Variants in FAM107B observed in about 807,000 individuals in gnomAD.
The protein encoded by FAM107B is protein FAM107B.
In FAM107B, 21 loss-of-function variants were observed where a neutral mutation model predicts 31.5. The ratio of observed to expected loss-of-function variants is 0.67; its 90% CI spans 0.47 to 0.96. The LOEUF (loss-of-function observed/expected upper bound fraction) is 0.96. Ranked by LOEUF, FAM107B falls within the 40% of genes least tolerant of loss-of-function variation. FAM107B has a pLI of 0.00. For synonymous variants in FAM107B, 157 were observed against 141.5 expected (o/e 1.11, Z -0.78); for missense variants, 452 against 377.1 (o/e 1.20, Z -1.64).
chr10:14,549,639 T>G (rs977045561), intron 2 of FAM107B, among the ~76,000 whole-genome samples: 5 of 152,086 alleles, frequency 3.3e-5, no homozygotes, highest in African/African-American at 1.2e-4. Context: ...AGCCTTGCCA[T>G]TTTCCCACAG....
intron 2 of FAM107B, among the ~76,000 whole-genome samples, chr10:14,583,602 A>G (rs577883204): frequency 6.6e-6 from 1 of 152,096 alleles, no homozygotes; most frequent in Non-Finnish European, 1.5e-5. Flanking sequence ...GGCCAGACAC[A>G]TCACCCCACC....
intron 1 of FAM107B, among the ~76,000 whole-genome samples, chr10:14,736,352 A>G (rs1856299076): frequency 6.6e-6 from 1 of 152,194 alleles, no homozygotes; most frequent in African/African-American, 2.4e-5. Context: ...AAGTTAAAAG[A>G]CACAATATGT....
intron 1 of FAM107B, among the ~76,000 whole-genome samples, chr10:14,722,912 C>T (rs1489176870): frequency 6.6e-6 from 1 of 152,096 alleles, no homozygotes; most frequent in African/African-American, 2.4e-5. Context: ...TGAAGACTTA[C>T]TCCTATGTTT....
intron 1 of FAM107B, among the ~76,000 whole-genome samples, chr10:14,715,052 A>C (rs1220784125): frequency 6.6e-6 from 1 of 152,138 alleles, no homozygotes; most frequent in Admixed American, 6.5e-5. Context: ...AGGCCACACA[A>C]AGTCTCCAAC....
intron 2 of FAM107B, among the ~76,000 whole-genome samples, chr10:14,629,248 C>CATAAATATAAATTATAATTTATATATATT: frequency 8.8e-6 from 1 of 114,092 alleles, no homozygotes; most frequent in African/African-American, 3.3e-5. Flanking sequence ...ATATAAATTA[C>CATAAATATAAATTATAATTTATATATATT]ATAAATATAA....
chr10:14,581,962 G>A (rs774800570), intron 2 of FAM107B, among the ~76,000 whole-genome samples: 48 of 152,150 alleles, frequency 3.2e-4, no homozygotes, highest in Non-Finnish European at 6.2e-4. Context: ...TAAGGAGACA[G>A]CTGTACAGAA....
chr10:14,743,237 C>T (rs1478200683), intron 1 of FAM107B, among the ~76,000 whole-genome samples: 1 of 151,948 alleles, frequency 6.6e-6, no homozygotes, highest in Non-Finnish European at 1.5e-5. Context: ...ATTTAAGTTC[C>T]TTGTAGATTC....
intron 1 of FAM107B, among the ~76,000 whole-genome samples, chr10:14,720,441 A>G (rs2131548634): frequency 6.6e-6 from 1 of 152,238 alleles, no homozygotes; most frequent in East Asian, 1.9e-4. Context: ...TTTAGTAGAG[A>G]CAGGGTTTTA....
chr10:14,717,015 G>A (rs916322366), intron 1 of FAM107B, among the ~76,000 whole-genome samples: 3 of 152,124 alleles, frequency 2.0e-5, no homozygotes, highest in Non-Finnish European at 4.4e-5. Context: ...CCTGGAATCC[G>A]TGAGGCAGAG....
chr10:14,769,898 G>A (rs966138350), intron 1 of FAM107B, among the ~76,000 whole-genome samples: 11 of 152,290 alleles, frequency 7.2e-5, no homozygotes, highest in Middle Eastern at 6.8e-3. Flanking sequence ...GTACATCACT[G>A]GGAGAGAGAG....
At chr10:14,654,097 C>T (rs1853974413) in intron 2 of FAM107B, 1 of 109,886 alleles carries the variant, frequency 9.1e-6, no homozygotes, top group African/African-American at 3.6e-5. Flanking sequence ...AAAAAGGCAA[C>T]TCCAGTTGAT....
intron 2 of FAM107B, among the ~76,000 whole-genome samples, chr10:14,533,039 A>T (rs745381885): frequency 3.3e-5 from 5 of 152,130 alleles, no homozygotes; most frequent in Non-Finnish European, 5.9e-5. Flanking sequence ...GAGCGTGGGA[A>T]CTTGAACACC....
At chr10:14,669,799 G>C (rs753748894) in intron 1 of FAM107B, among the ~76,000 whole-genome samples, 8 of 152,232 alleles carry the variant, frequency 5.3e-5, no homozygotes, top group Non-Finnish European at 1.5e-5. Context: ...GGGGAATGAA[G>C]AGAGGTTGGT....
intron 2 of FAM107B, among the ~76,000 whole-genome samples, chr10:14,557,509 G>T (rs1418984144): frequency 2.6e-5 from 4 of 152,300 alleles, no homozygotes; most frequent in Non-Finnish European, 5.9e-5. Context: ...ACCAGGTTGG[G>T]TCTGTGCTCT....
At chr10:14,750,068 G>GA (rs1832797347) in intron 1 of FAM107B, among the ~76,000 whole-genome samples, 1 of 152,168 alleles carries the variant, frequency 6.6e-6, no homozygotes, top group Non-Finnish European at 1.5e-5. Context: ...AGGGCACCAG[G>GA]AAAAAATCAC....
chr10:14,608,010 G>A (rs1852635868), intron 2 of FAM107B, among the ~76,000 whole-genome samples: 1 of 149,652 alleles, frequency 6.7e-6, no homozygotes, highest in Admixed American at 6.7e-5. Flanking sequence ...GAACAAAGCA[G>A]AAATGACTAT....
intron 1 of FAM107B, among the ~76,000 whole-genome samples, chr10:14,729,011 T>A (rs1007950310): frequency 7.2e-5 from 11 of 152,122 alleles, no homozygotes; most frequent in African/African-American, 2.2e-4. Flanking sequence ...TGTTTTTTTT[T>A]AAATGGGGTC....
intron 2 of FAM107B, among the ~76,000 whole-genome samples, chr10:14,573,686 G>T (rs1851369963): frequency 6.6e-6 from 1 of 152,064 alleles, no homozygotes; most frequent in African/African-American, 2.4e-5. Flanking sequence ...AGAGGTTGCA[G>T]TAAGCTGCAT....
intron 2 of FAM107B, among the ~76,000 whole-genome samples, chr10:14,552,026 T>C (rs17256906): frequency 0.26 from 40,086 of 152,168 alleles, 5,869 homozygotes; most frequent in Middle Eastern, 0.33. Flanking sequence ...TTGTAAAGGA[T>C]TGTGAACTAT....
Sources: allele counts gnomAD v4.1 joint callset (sites outside exome capture counted in the v4.1 genomes callset), GRCh38; gene constraint gnomAD v4.1.1; transcripts MANE v1.5; gene names NCBI Gene and HGNC (gene_info 2026-07-23, HGNC 2026-07-21).